ABCA12: variants seen among roughly 807,000 people sequenced by gnomAD.
The protein encoded by ABCA12 is ATP binding cassette subfamily A member 12, also known as glucosylceramide transporter ABCA12.
A neutral mutation model predicts 293.5 loss-of-function variants in ABCA12; 156 were observed. The observed-to-expected ratio is 0.53, with a 90% CI of 0.47 to 0.61. The LOEUF (loss-of-function observed/expected upper bound fraction) is 0.61. ABCA12 is among the 20% of genes least tolerant of loss of function. ABCA12 has a pLI of 0.00. For missense variants in ABCA12, 2,797 were observed against 3,090.2 expected, an observed-to-expected ratio of 0.91 and a Z score of 2.25; for synonymous variants, 1,063 against 1,108.0, an observed-to-expected ratio of 0.96 and a Z score of 0.81.
rs1431845390 is a variant in ABCA12, at chr2:214,970,392, A to T, written c.5571T>A (p.Pro1857=). The change falls in exon 37 of 53, where the codon CCT becomes CCA. Residue 1857 remains proline (P), a synonymous_variant. Coordinates refer to ENST00000272895, the MANE Select transcript of ABCA12 (RefSeq NM_173076.3). ...CSCSENVQEC[P]KFNYSPPHRR... is the part of the protein sequence containing the mutation. ...TGTGCGGTGGGGAATAGTTAAATTT[A>T]GGACATTCCTGGAAAATAAAGTTAA... The T allele has an allele frequency of 6.2e-6, 10 of 1,613,128 alleles. No homozygotes were observed. Among genetic ancestry groups the T allele is most frequent in the Non-Finnish European group, 8.5e-6 (10 of 1,179,396 alleles).
chr2:215,002,929 A>T (rs1317040724), intron 20 of ABCA12, among the ~76,000 whole-genome samples: 1 of 152,238 alleles, frequency 6.6e-6, no homozygotes, highest in Non-Finnish European at 1.5e-5. Flanking sequence ...CAGAAGTTAG[A>T]AATGACAAAA....
At chr2:214,941,371 A>G (rs943753377) in intron 50 of ABCA12, among the ~76,000 whole-genome samples, 2 of 152,178 alleles carry the variant, frequency 1.3e-5, no homozygotes, top group Non-Finnish European at 2.9e-5. Flanking sequence ...TTTACTTCCA[A>G]TTATGTGGTC....
chr2:215,107,142 T>C (rs74891348), intron 2 of ABCA12, among the ~76,000 whole-genome samples: 1,741 of 152,214 alleles, frequency 0.011, 32 homozygotes, highest in African/African-American at 0.04. Context: ...TGGAGTCTAC[T>C]TATCTCATTC....
rs1305649104 is a variant in ABCA12, at chr2:214,942,976, A to T, written c.7385T>A (p.Met2462Lys). ...AATACATTGAAACTTTCCATTCACC[A>T]TAATGGCCAACCTGGTACAGAGAGC... Reference protein sequence around the residue: ...CEALCTRLAIMVNGKFQCIGS... With the variant: ...CEALCTRLAIKVNGKFQCIGS... Residue 2462 changes from methionine to lysine, a missense_variant, in exon 50 of 53, where the codon ATG becomes AAG. Physicochemically the swap from Met to Lys is moderately conservative, Grantham distance 95. Around this residue, in one of 3 missense-constraint regions of ABCA12, gnomAD observed 2,130 missense variants for 2,427.0 expected, o/e 0.88. Transcript: ENST00000272895. 4 of 1,613,606 alleles carry T rather than the reference A, an allele frequency of 2.5e-6. No homozygotes were observed. The Admixed American group carries it at 5.0e-5, about 20-fold the overall frequency.
At chr2:215,011,198 G>C (rs901173376) in intron 17 of ABCA12, among the ~76,000 whole-genome samples, 2 of 152,132 alleles carry the variant, frequency 1.3e-5, no homozygotes, top group Admixed American at 1.3e-4. Flanking sequence ...GACAGCTCAG[G>C]CACTTCCAAG....
chr2:214,990,387 A>G (rs184705418), intron 24 of ABCA12, among the ~76,000 whole-genome samples: 6 of 152,310 alleles, frequency 3.9e-5, no homozygotes, highest in Non-Finnish European at 7.3e-5. Context: ...AGGCTCCAAG[A>G]CGTTTCAGGA....
chr2:215,084,472 C>A (rs1351216287), intron 2 of ABCA12, among the ~76,000 whole-genome samples: 1 of 152,220 alleles, frequency 6.6e-6, no homozygotes, highest in East Asian at 1.9e-4. Context: ...TTCTTCAAAT[C>A]CAAAGATATA....
At chr2:215,126,810 G>A (rs933866596) in intron 1 of ABCA12, among the ~76,000 whole-genome samples, 7 of 151,504 alleles carry the variant, frequency 4.6e-5, no homozygotes, top group African/African-American at 1.2e-4. Flanking sequence ...CTCTGATCTC[G>A]GTTATTTTCT....
chr2:214,996,528 G>T (rs558494972), intron 23 of ABCA12, among the ~76,000 whole-genome samples: 1 of 152,006 alleles, frequency 6.6e-6, no homozygotes, highest in Admixed American at 6.6e-5. Context: ...TCATAATTAC[G>T]GTTGAAGGCA....
chr2:214,955,302 G>C lies in ABCA12; in HGVS notation c.6293C>G (p.Ala2098Gly). 2.5e-6 allele frequency: 4 copies of C among 1,614,112 alleles called. No homozygotes were observed. Among genetic ancestry groups the C allele is most frequent in the Non-Finnish European group, 3.4e-6 (4 of 1,179,966 alleles). Reference sequence around the variant, plus strand: ...GTTGACACAGACGTAAGTGATGAAGGCCATTCCTGTTTCATGGAAGAGCCC... The same window carrying C: ...GTTGACACAGACGTAAGTGATGAAGCCCATTCCTGTTTCATGGAAGAGCCC... The part of the protein sequence containing the change: ...LAGLFHETGM[A>G]FITYVCVNLF... Residue 2098 changes from alanine (A) to glycine (G), a missense_variant, in exon 43 of 53, where the codon GCC becomes GGC. Ala to Gly is a moderately conservative substitution (Grantham distance 60). Coordinates refer to ENST00000272895, the MANE Select transcript of ABCA12 (RefSeq NM_173076.3).
chr2:215,122,903 C>G (rs1459250023), intron 1 of ABCA12, among the ~76,000 whole-genome samples: 1 of 152,116 alleles, frequency 6.6e-6, no homozygotes, highest in Non-Finnish European at 1.5e-5. Flanking sequence ...AAATATTGTA[C>G]ATTGTATCCA....
intron 23 of ABCA12, 23 bp downstream of exon 23, chr2:214,997,672 A>G: frequency 6.7e-7 from 1 of 1,503,234 alleles, no homozygotes; most frequent in Non-Finnish European, 9.3e-7. Context: ...CTTATTCATA[A>G]CAAGAAGTGA....
intron 2 of ABCA12, among the ~76,000 whole-genome samples, chr2:215,069,273 T>C (rs984444950): frequency 6.6e-6 from 1 of 151,828 alleles, no homozygotes; most frequent in Non-Finnish European, 1.5e-5. Context: ...AGTGGCAGAA[T>C]AAGTGTCAGG....
rs1701733889 is a variant in ABCA12, at chr2:215,071,288, TAACA to T, written c.164-7073_164-7070del. ...AAATCTTCATGGTTTTGAAGGAATT[TAACA>T]TACATCATTTCATACAAGCTCCATG... On this transcript the variant is annotated intron_variant, in intron 2 of 52. Transcript: ENST00000272895. Among the ~76,000 whole-genome samples, 4 of 151,630 alleles carry T rather than the reference TAACA, an allele frequency of 2.6e-5. No homozygotes were observed. In the South Asian group the frequency reaches 8.4e-4, roughly 32 times the overall value.
intron 7 of ABCA12, among the ~76,000 whole-genome samples, chr2:215,040,315 AAC>A (rs531234466): frequency 1.0e-3 from 153 of 152,342 alleles, no homozygotes; most frequent in Non-Finnish European, 5.1e-4. Context: ...TTATCTGATA[AAC>A]AGTTAATTTC....
chr2:215,018,167 T>G (rs1163251335), intron 13 of ABCA12, 35 bp from the exon 14 acceptor site: 2 of 1,599,658 alleles, frequency 1.3e-6, no homozygotes, highest in Non-Finnish European at 1.7e-6. Context: ...AAAACCCATG[T>G]TGGTTTGTCA....
At chr2:215,089,184 C>T (rs1253438711) in intron 2 of ABCA12, among the ~76,000 whole-genome samples, 1 of 150,380 alleles carries the variant, frequency 6.6e-6, no homozygotes, top group Admixed American at 6.6e-5. Context: ...AGCTATGGCT[C>T]AAGTTTTGCT....
intron 50 of ABCA12, among the ~76,000 whole-genome samples, chr2:214,937,851 G>A (rs1450037879): frequency 6.6e-6 from 1 of 151,930 alleles, no homozygotes; most frequent in African/African-American, 2.4e-5. Context: ...GGCAAAAATT[G>A]AGTTGAAAAG....
chr2:215,064,534 A>C (rs1336078858), intron 2 of ABCA12, among the ~76,000 whole-genome samples: 1 of 152,092 alleles, frequency 6.6e-6, no homozygotes, highest in African/African-American at 2.4e-5. Flanking sequence ...GTTTGCCAGA[A>C]TGTTTTAAAA....
Sources: allele counts gnomAD v4.1 joint callset (sites outside exome capture counted in the v4.1 genomes callset), GRCh38; gene constraint gnomAD v4.1.1; regional missense constraint gnomAD v4.1.1; transcripts MANE v1.5; gene names NCBI Gene and HGNC (gene_info 2026-07-23, HGNC 2026-07-21).